PIWIL1: variants seen among roughly 807,000 people sequenced by gnomAD.
PIWIL1 encodes the protein piwi-like protein 1.
In PIWIL1, 73 loss-of-function variants were observed where a neutral mutation model predicts 114.4. The observed-to-expected ratio is 0.64, with a 90% confidence interval of 0.53 to 0.78. The LOEUF (loss-of-function observed/expected upper bound fraction) is 0.78, where lower values mean the gene tolerates loss of function less well. Among genes scored for constraint, PIWIL1 ranks in the 30% least tolerant of loss-of-function variants. The pLI is 0.00. For synonymous variants in PIWIL1, 375 were observed against 369.0 expected (o/e 1.02, Z -0.19); for missense variants, 723 against 1,063.1 (o/e 0.68, Z 4.45).
At chr12:130,415,839 G>A in the PIWIL1 span, among the ~76,000 whole-genome samples, 20 of 152,078 alleles carry the variant, frequency 1.3e-4, no homozygotes, top group Non-Finnish European at 2.1e-4. Context: ...TAAACCAATA[G>A]ACAATTTCAA....
chr12:130,371,715 A>G lies in PIWIL1; in HGVS notation c.*117A>G. 7 of 605,164 alleles carry G rather than the reference A, an allele frequency of 1.2e-5. No homozygotes were observed. Among genetic ancestry groups the G allele is most frequent in the Non-Finnish European group, 2.0e-5 (7 of 344,926 alleles). The allele number at this position is 605,164 out of a possible 1,614,324, so 37.5% of individuals were successfully genotyped here. A position where few individuals can be genotyped will look rare whatever the true frequency, so the allele number is the denominator to read the frequency against. The stretch of plus-strand genomic sequence containing the variant: ...CTGGATGAAACTTGGGAAGGGGATT[A>G]GGAGATCTAGCATTTTATTTCTAGC... On this transcript the variant is annotated 3_prime_UTR_variant, in exon 21 of 21. Coordinates refer to ENST00000245255, the MANE Select transcript of PIWIL1 (RefSeq NM_004764.5).
intron 1 of PIWIL1, among the ~76,000 whole-genome samples, chr12:130,339,045 G>T (rs1363703328): frequency 6.6e-6 from 1 of 151,730 alleles, no homozygotes; most frequent in East Asian, 1.9e-4. Context: ...ACGCGGCCGC[G>T]GGGCGCGATC....
At chr12:130,416,726 A>T in the PIWIL1 span, among the ~76,000 whole-genome samples, 3 of 152,198 alleles carry the variant, frequency 2.0e-5, no homozygotes, top group African/African-American at 4.8e-5. Context: ...AACATGCATG[A>T]CCTAATTAAA....
At chr12:130,390,049 C>A in the PIWIL1 span, among the ~76,000 whole-genome samples, 1 of 152,088 alleles carries the variant, frequency 6.6e-6, no homozygotes, top group African/African-American at 2.4e-5. Flanking sequence ...AACATGAACC[C>A]CAAGTTTTTA....
At chr12:130,421,691 A>ATG in the PIWIL1 span, among the ~76,000 whole-genome samples, 7,102 of 147,260 alleles carry the variant, frequency 0.048, 214 homozygotes, top group African/African-American at 0.094. Flanking sequence ...CTGCATTTAT[A>ATG]TGTGTGTGTG....
chr12:130,341,178 C>A (rs969956795), intron 1 of PIWIL1, among the ~76,000 whole-genome samples: 3 of 152,180 alleles, frequency 2.0e-5, no homozygotes, highest in Non-Finnish European at 4.4e-5. Flanking sequence ...TCTGCAGGAC[C>A]CTGAGCAGTC....
intron 18 of PIWIL1, among the ~76,000 whole-genome samples, chr12:130,365,667 T>C (rs1014360037): frequency 9.2e-5 from 14 of 152,246 alleles, no homozygotes; most frequent in Non-Finnish European, 1.6e-4. Flanking sequence ...TGACCTGTTT[T>C]TGTTACTATA....
At position 130,354,963 on chromosome 12, in the gene PIWIL1, A is replaced by G. The variant is rs2073324288; in HGVS notation, c.1247A>G (p.Gln416Arg). Residue 416 changes from glutamine (Q) to arginine (R), a missense_variant, in exon 11 of 21, where the codon CAA (glutamine) becomes CGA (arginine). Gln to Arg is a conservative substitution (Grantham distance 43). Coordinates refer to ENST00000245255, the MANE Select transcript of PIWIL1 (RefSeq NM_004764.5). Reference protein sequence around the residue: ...LAVHTRLTPEQRQREVGRLID... With the variant: ...LAVHTRLTPERRQREVGRLID... ...GTTCATACAAGACTAACTCCAGAGC[A>G]AAGGCAGCGTGAAGTGGGACGACTC... is the stretch of plus-strand genomic sequence containing the variant. 1 of 1,613,610 alleles carries G rather than the reference A, an allele frequency of 6.2e-7. No individual in the cohort carries two copies. Among genetic ancestry groups the G allele is most frequent in the Non-Finnish European group, 8.5e-7 (1 of 1,179,520 alleles).
chr12:130,424,663 C>A, the PIWIL1 span: 9 of 1,231,986 alleles, frequency 7.3e-6, no homozygotes, highest in Non-Finnish European at 9.1e-6. This position sits in a 1 kb window ranked among gnomAD's most constrained non-coding sequence, Gnocchi z 9.8. Context: ...TAGGGCCTGC[C>A]GGGCCTGGGC....
At chr12:130,389,784 T>C in the PIWIL1 span, among the ~76,000 whole-genome samples, 3 of 152,214 alleles carry the variant, frequency 2.0e-5, no homozygotes, top group South Asian at 6.2e-4. Context: ...TATCTTTTCT[T>C]CCTATCTAAC....
intron 7 of PIWIL1, among the ~76,000 whole-genome samples, chr12:130,348,994 T>G (rs1238562721): frequency 6.6e-6 from 1 of 152,188 alleles, no homozygotes; most frequent in East Asian, 1.9e-4. Context: ...TTTAAAAGTC[T>G]TAGGCCAGTG....
At chr12:130,357,431 C>A in intron 13 of PIWIL1, 50 bp from the exon 14 acceptor site, 1 of 1,350,404 alleles carries the variant, frequency 7.4e-7, no homozygotes, top group Non-Finnish European at 1.1e-6. Flanking sequence ...TATGCACGGT[C>A]CATTTGTCGC....
At chr12:130,419,838 A>G in the PIWIL1 span, 1 of 152,228 alleles carries the variant, frequency 6.6e-6, no homozygotes, top group Non-Finnish European at 1.5e-5. This position sits in a 1 kb window ranked among gnomAD's most constrained non-coding sequence, Gnocchi z 4.3. Context: ...AAAGACCAAA[A>G]GTTATAAAGG....
chr12:130,412,485 G>T, the PIWIL1 span: 3 of 851,392 alleles, frequency 3.5e-6, no homozygotes, highest in Non-Finnish European at 3.6e-6. Flanking sequence ...AAAATCACTG[G>T]TCAACATTTA....
chr12:130,379,880 G>C, the PIWIL1 span, among the ~76,000 whole-genome samples: 17 of 23,642 alleles, frequency 7.2e-4, no homozygotes, highest in East Asian at 2.5e-3. Flanking sequence ...CCTCATCCCA[G>C]TTCCCATCCA....
In PIWIL1 at chr12:130,354,586, A is replaced by T; in HGVS notation, c.1094A>T (p.Gln365Leu). 6.2e-7 allele frequency: 1 copy of T among 1,613,946 alleles called. No individual in the cohort carries two copies. Residue 365 changes from glutamine to leucine, a missense_variant, in exon 10 of 21, where the codon CAG becomes CTG. Gln to Leu is a moderately radical substitution (Grantham distance 113). Around this residue, in one of 8 missense-constraint regions of PIWIL1, gnomAD observed 298 missense variants for 420.8 expected, o/e 0.71. Coordinates refer to ENST00000245255, the MANE Select transcript of PIWIL1 (RefSeq NM_004764.5). ...TTGAAGCAGCCTGTCTTGGTCAGCCAGCCCAAGAGAAGGCGGGGCCCTGGG... is the reference window on the plus strand; with the variant it reads ...TTGAAGCAGCCTGTCTTGGTCAGCCTGCCCAAGAGAAGGCGGGGCCCTGGG... ...TDLKQPVLVS[Q>L]PKRRRGPGGT...
the PIWIL1 span, chr12:130,399,050 C>A: frequency 1.2e-6 from 1 of 835,964 alleles, no homozygotes; most frequent in Non-Finnish European, 1.7e-6. Context: ...TTAAGTCTAC[C>A]ACACTGGCCC....
chr12:130,370,810 C>G (rs1015280036), intron 19 of PIWIL1, among the ~76,000 whole-genome samples: 1 of 152,146 alleles, frequency 6.6e-6, no homozygotes, highest in Non-Finnish European at 1.5e-5. Context: ...CCCCACAGGT[C>G]GTGCTTCCAG....
the PIWIL1 span, chr12:130,425,766 GC>G: frequency 6.6e-6 from 1 of 152,524 alleles, no homozygotes; most frequent in East Asian, 1.9e-4. Context: ...GGCAAAGCGT[GC>G]CCCTGGGTCC....
Sources: gnomAD v4.1 joint callset for allele counts (sites outside exome capture counted in the v4.1 genomes callset) on GRCh38, gnomAD v4.1.1 for gene constraint, gnomAD v4.1.1 regional missense constraint, Gnocchi (gnomAD v3.1) non-coding constraint, MANE v1.5 for transcripts, NCBI Gene and HGNC (gene_info 2026-07-23, HGNC 2026-07-21) for gene names.